The following LRRC4C variants were observed in gnomAD, a reference collection of about 807,000 sequenced individuals.
LRRC4C encodes leucine-rich repeat-containing protein 4C.
A neutral mutation model predicts 33.6 loss-of-function variants in LRRC4C; 5 were observed. That is an observed-to-expected ratio of 0.15 (90% CI 0.08 to 0.31). The LOEUF is 0.31. LRRC4C is among the 10% of genes least tolerant of loss of function. LRRC4C has a pLI of 1.00. For missense variants in LRRC4C, 560 were observed against 796.7 expected, an observed-to-expected ratio of 0.70 and a Z score of 3.58; for synonymous variants, 329 against 302.0, an observed-to-expected ratio of 1.09 and a Z score of -0.93.
intron 1 of LRRC4C, among the ~76,000 whole-genome samples, chr11:40,935,276 G>A (rs1022241228): frequency 6.6e-6 from 1 of 152,064 alleles, no homozygotes; most frequent in Non-Finnish European, 1.5e-5. Context: ...AATGTTATTG[G>A]GTTCAAAATT....
intron 3 of LRRC4C, among the ~76,000 whole-genome samples, chr11:40,480,559 C>T (rs1173377557): frequency 6.6e-6 from 1 of 151,756 alleles, no homozygotes; most frequent in Non-Finnish European, 1.5e-5. Flanking sequence ...AATCTGGACA[C>T]TAAACCCCTG....
intron 1 of LRRC4C, among the ~76,000 whole-genome samples, chr11:41,392,876 G>A (rs1197000745): frequency 6.6e-6 from 1 of 151,802 alleles, no homozygotes; most frequent in African/African-American, 2.4e-5. Context: ...GCAAGAACCT[G>A]CCAGTTTAAG....
intron 3 of LRRC4C, among the ~76,000 whole-genome samples, chr11:40,323,413 A>C (rs1945947646): frequency 6.6e-6 from 1 of 152,202 alleles, no homozygotes; most frequent in South Asian, 2.1e-4. Context: ...GTTTAGGACG[A>C]TGTCTCTTCT....
intron 3 of LRRC4C, among the ~76,000 whole-genome samples, chr11:40,578,471 A>G (rs1479283178): frequency 6.6e-6 from 1 of 152,016 alleles, no homozygotes; most frequent in African/African-American, 2.4e-5. Flanking sequence ...TACTACTGAT[A>G]ATAATTTTTA....
chr11:40,576,368 A>G (rs1393173056), intron 3 of LRRC4C, among the ~76,000 whole-genome samples: 1 of 152,216 alleles, frequency 6.6e-6, no homozygotes, highest in Admixed American at 6.5e-5. Context: ...ACGGCAATGT[A>G]TGCTTCTAGA....
At chr11:40,161,582 C>T (rs978484170) in intron 5 of LRRC4C, among the ~76,000 whole-genome samples, 8 of 152,044 alleles carry the variant, frequency 5.3e-5, no homozygotes, top group African/African-American at 1.4e-4. Flanking sequence ...GGTAAGACCC[C>T]GTCTCTACTA....
Position 40,694,139 on chromosome 11 carries a change from A to G in LRRC4C, c.-406-45861T>C, listed in dbSNP as rs192853208. ...TGGAAGTAATTGAACTGGAATCACA[A>G]TGTAAAATAAACCTCCTGCAATCTT... On this transcript the variant is annotated intron_variant, in intron 2 of 6. Transcript: ENST00000528697. 2.3e-4 allele frequency among the ~76,000 whole-genome samples: 35 copies of G among 152,264 alleles called. 1 individual carries two copies. The highest frequency in any genetic ancestry group is 2.2e-3 in the Admixed American group (33 of 15,284).
intron 1 of LRRC4C, among the ~76,000 whole-genome samples, chr11:41,006,695 A>AG (rs1854777104): frequency 6.6e-6 from 1 of 152,184 alleles, no homozygotes. Flanking sequence ...GAGAAAAAGA[A>AG]GGGGGAAAAG....
At chr11:40,135,740 G>A (rs1269390705) in intron 6 of LRRC4C, among the ~76,000 whole-genome samples, 5 of 152,144 alleles carry the variant, frequency 3.3e-5, no homozygotes, top group Admixed American at 6.5e-5. Context: ...CTGACAGTCC[G>A]ATTCTAATAT....
intron 1 of LRRC4C, among the ~76,000 whole-genome samples, chr11:41,240,875 G>C (rs1434368767): frequency 6.6e-6 from 1 of 152,010 alleles, no homozygotes; most frequent in Non-Finnish European, 1.5e-5. Flanking sequence ...AAAAAATAGA[G>C]CTTTATTCTT....
intron 1 of LRRC4C, among the ~76,000 whole-genome samples, chr11:41,258,695 T>C (rs1948881053): frequency 2.0e-5 from 3 of 152,152 alleles, no homozygotes; most frequent in Admixed American, 1.3e-4. Flanking sequence ...GTAATTGACA[T>C]AAAAATCAAC....
chr11:40,850,435 G>A (rs117594393), intron 2 of LRRC4C, among the ~76,000 whole-genome samples: 2,228 of 152,258 alleles, frequency 0.015, 26 homozygotes, highest in Middle Eastern at 0.041. Flanking sequence ...GTCCACTCCA[G>A]ATCCTGTTTA....
In LRRC4C at chr11:41,071,703, T is replaced by A. The variant is rs116401015; in HGVS notation, c.-495-137980A>T. On this transcript the variant is annotated intron_variant, in intron 1 of 6. Transcript: ENST00000528697. ...AAGAAACAATTTTGACTTTCACATCTTATTATTTAAGCAATACATTTTGAA... is the reference window on the plus strand; with the variant it reads ...AAGAAACAATTTTGACTTTCACATCATATTATTTAAGCAATACATTTTGAA... Among the ~76,000 whole-genome samples, 495 of 152,314 alleles carry A rather than the reference T, an allele frequency of 3.2e-3. 2 individuals carry two copies. The highest frequency in any genetic ancestry group is 0.011 in the African/African-American group (453 of 41,580).
At chr11:41,270,713 T>G (rs1475220937) in intron 1 of LRRC4C, among the ~76,000 whole-genome samples, 3 of 152,144 alleles carry the variant, frequency 2.0e-5, no homozygotes, top group Non-Finnish European at 4.4e-5. Context: ...CCTTTCCTCT[T>G]TATAAATGAT....
intron 1 of LRRC4C, among the ~76,000 whole-genome samples, chr11:41,260,950 G>A (rs910178820): frequency 1.3e-5 from 2 of 152,014 alleles, no homozygotes; most frequent in Admixed American, 6.6e-5. Context: ...TCTCTTCTTA[G>A]GCAGTATATT....
chr11:40,511,830 G>A (rs1955330659), intron 3 of LRRC4C, among the ~76,000 whole-genome samples: 1 of 152,146 alleles, frequency 6.6e-6, no homozygotes, highest in African/African-American at 2.4e-5. Flanking sequence ...AGGGGGCTGA[G>A]GCCTTTCCAT....
chr11:40,206,259 G>A (rs1490630981), intron 5 of LRRC4C, among the ~76,000 whole-genome samples: 1 of 152,060 alleles, frequency 6.6e-6, no homozygotes, highest in Non-Finnish European at 1.5e-5. Flanking sequence ...TTTTGAGATG[G>A]AGTCTCACTC....
chr11:40,404,934 C>T (rs1590631071), intron 3 of LRRC4C, among the ~76,000 whole-genome samples: 1 of 151,736 alleles, frequency 6.6e-6, no homozygotes, highest in African/African-American at 2.4e-5. Flanking sequence ...TTCCTATTTC[C>T]CCACCACCCT....
intron 2 of LRRC4C, among the ~76,000 whole-genome samples, chr11:40,876,212 C>T (rs938128461): frequency 4.7e-5 from 7 of 149,802 alleles, no homozygotes; most frequent in African/African-American, 1.5e-4. Flanking sequence ...AGTTGGTTCA[C>T]CAGGCTTATT....
Sources: allele counts gnomAD v4.1 joint callset (sites outside exome capture counted in the v4.1 genomes callset), GRCh38; gene constraint gnomAD v4.1.1; transcripts MANE v1.5; gene names NCBI Gene and HGNC (gene_info 2026-07-23, HGNC 2026-07-21).